Variants in MOCOS observed in about 807,000 individuals in gnomAD.
The protein encoded by MOCOS is molybdenum cofactor sulfurase.
A neutral mutation model predicts 83.6 loss-of-function variants in MOCOS; 86 were observed. The ratio of observed to expected loss-of-function variants is 1.03; its 90% CI spans 0.86 to 1.23. The LOEUF is 1.23. Ranked by LOEUF, MOCOS falls within the 50% of genes most tolerant of loss-of-function variation. The pLI is 0.00. For synonymous variants in MOCOS, 445 were observed against 434.7 expected (o/e 1.02, Z -0.29); for missense variants, 1,120 against 1,126.9 (o/e 0.99, Z 0.09).
At chr18:36,246,996 T>A (rs1420907801) in intron 9 of MOCOS, among the ~76,000 whole-genome samples, 2 of 151,792 alleles carry the variant, frequency 1.3e-5, no homozygotes, top group Non-Finnish European at 2.9e-5. Context: ...GTTAGGTGGG[T>A]CTGAGATCAT....
chr18:36,202,299 T>TGTCA (rs1417468809), intron 4 of MOCOS, among the ~76,000 whole-genome samples: 11 of 2,694 alleles, frequency 4.1e-3, no homozygotes, highest in Non-Finnish European at 0.027. Context: ...AATAAATAAT[T>TGTCA]GTCAATCAAT....
chr18:36,207,122 C>T (rs1162077015), intron 6 of MOCOS, among the ~76,000 whole-genome samples: 8 of 152,246 alleles, frequency 5.3e-5, no homozygotes, highest in South Asian at 4.1e-4. Context: ...CTGCAAACTC[C>T]GCCTCCTGGG....
intron 1 of MOCOS, among the ~76,000 whole-genome samples, chr18:36,194,972 G>A (rs1479330718): frequency 6.6e-6 from 1 of 152,196 alleles, no homozygotes; most frequent in African/African-American, 2.4e-5. Context: ...CATTCATCAC[G>A]AATGTCTGCT....
chr18:36,198,661 T>G (rs754489806), intron 2 of MOCOS, 29 bp from the exon 3 acceptor site: 2 of 1,612,344 alleles, frequency 1.2e-6, no homozygotes, highest in Non-Finnish European at 1.7e-6. Context: ...AAGTAGTGAC[T>G]TGGTGGCCTT....
At position 36,266,833 on chromosome 18, in the gene MOCOS, T is replaced by G. The variant is rs745811304; in HGVS notation, c.2494T>G (p.Ser832Ala). The change falls in exon 14 of 15, where the codon TCT becomes GCT. Residue 832 changes from serine to alanine, a missense_variant. By Grantham distance (99) the Ser-to-Ala change is moderately conservative (BLOSUM62 1). Transcript: ENST00000261326. ...QRNQHVFQKL[S>A]ESRETKVNFG... ...AAACCAGCATGTTTTCCAAAAACTT[T>G]CTGAGAGTCGTGAAACAAAGGTAAG... 3 of 1,614,058 alleles carry G rather than the reference T, an allele frequency of 1.9e-6. No individual in the cohort carries two copies. The highest frequency in any genetic ancestry group is 1.7e-6 in the Non-Finnish European group (2 of 1,179,978).
chr18:36,209,828 C>T (rs745536648), intron 6 of MOCOS, among the ~76,000 whole-genome samples: 12 of 152,032 alleles, frequency 7.9e-5, no homozygotes, highest in Admixed American at 5.9e-4. Flanking sequence ...CACATAATGA[C>T]GTTTTCTTTG....
chr18:36,192,381 GA>G (rs1323023843), intron 1 of MOCOS, among the ~76,000 whole-genome samples: 3 of 152,098 alleles, frequency 2.0e-5, no homozygotes, highest in Admixed American at 6.5e-5. Flanking sequence ...AAAATACACA[GA>G]AAAAAATTTA....
At chr18:36,210,617 G>A (rs1425576244) in intron 6 of MOCOS, among the ~76,000 whole-genome samples, 1 of 151,910 alleles carries the variant, frequency 6.6e-6, no homozygotes, top group African/African-American at 2.4e-5. Context: ...TTGGGAGGCC[G>A]AGGTTGGTGG....
chr18:36,191,976 G>C (rs917210089), intron 1 of MOCOS, among the ~76,000 whole-genome samples: 1 of 152,152 alleles, frequency 6.6e-6, no homozygotes, highest in Non-Finnish European at 1.5e-5. Flanking sequence ...ACTGATAAAG[G>C]TCATCTGCAA....
intron 13 of MOCOS, among the ~76,000 whole-genome samples, chr18:36,262,246 T>TACACACACACACACACA (rs1785190467): frequency 6.0e-4 from 2 of 3,312 alleles, no homozygotes; most frequent in Admixed American, 5.8e-3. Flanking sequence ...ACTTCGTCTC[T>TACACACACACACACACA]CTCTACACAC....
chr18:36,187,762 C>G, intron 1 of MOCOS, 81 bp downstream of exon 1: 1 of 1,229,446 alleles, frequency 8.1e-7, no homozygotes, highest in Non-Finnish European at 1.0e-6. Context: ...GTGAGAGCGG[C>G]GCTACCTCAT....
intron 9 of MOCOS, among the ~76,000 whole-genome samples, chr18:36,234,260 T>C (rs765639577): frequency 3.0e-4 from 46 of 152,210 alleles, no homozygotes; most frequent in Non-Finnish European, 6.2e-4. Flanking sequence ...GGCTGGCCAG[T>C]TATCCCAGCA....
intron 13 of MOCOS, among the ~76,000 whole-genome samples, chr18:36,260,720 T>A (rs369148231): frequency 1.2e-4 from 18 of 152,078 alleles, no homozygotes; most frequent in African/African-American, 4.3e-4. Flanking sequence ...TTCAAAGATA[T>A]GAGAAAGAGG....
At chr18:36,224,689 A>C (rs997615076) in intron 9 of MOCOS, among the ~76,000 whole-genome samples, 7 of 151,970 alleles carry the variant, frequency 4.6e-5, no homozygotes, top group Non-Finnish European at 7.4e-5. Flanking sequence ...AGTTTTGTTG[A>C]GGATGTTTGT....
chr18:36,264,774 A>G (rs942433284), intron 13 of MOCOS, among the ~76,000 whole-genome samples: 2 of 142,482 alleles, frequency 1.4e-5, no homozygotes, highest in African/African-American at 5.1e-5. Context: ...GCGTCAACCT[A>G]AAAAAAAAAA....
At chr18:36,203,467 G>A (rs73946790) in intron 5 of MOCOS, among the ~76,000 whole-genome samples, 38 of 152,306 alleles carry the variant, frequency 2.5e-4, no homozygotes, top group African/African-American at 7.5e-4. Flanking sequence ...AATGAGAGGA[G>A]CATCCCTGGG....
At chr18:36,256,783 C>A (rs2091643159) in intron 11 of MOCOS, 185 bp from the exon 12 acceptor site, 2 of 606,686 alleles carry the variant, frequency 3.3e-6, no homozygotes, top group South Asian at 3.5e-5. Context: ...ATTCTAGAAT[C>A]TCCTTTTGCC....
At chr18:36,197,832 G>A (rs915191358) in intron 2 of MOCOS, among the ~76,000 whole-genome samples, 4 of 151,544 alleles carry the variant, frequency 2.6e-5, no homozygotes, top group African/African-American at 9.7e-5. Flanking sequence ...ACCTAGTGAT[G>A]CAATCATCAC....
chr18:36,243,952 C>T (rs1452819647), intron 9 of MOCOS, among the ~76,000 whole-genome samples: 4 of 152,016 alleles, frequency 2.6e-5, no homozygotes, highest in Non-Finnish European at 5.9e-5. Flanking sequence ...TCTGTGGTTT[C>T]AATTGTAATA....
Sources: allele counts gnomAD v4.1 joint callset (sites outside exome capture counted in the v4.1 genomes callset), GRCh38; gene constraint gnomAD v4.1.1; transcripts MANE v1.5; gene names NCBI Gene and HGNC (gene_info 2026-07-23, HGNC 2026-07-21).